CHN2: variants seen among roughly 807,000 people sequenced by gnomAD.
CHN2 encodes the protein chimerin 2.
A neutral mutation model predicts 56.3 loss-of-function variants in CHN2; 35 were observed. The ratio of observed to expected loss-of-function variants is 0.62; its 90% confidence interval spans 0.47 to 0.82. The LOEUF is 0.82. Ranked by LOEUF, CHN2 falls within the 40% of genes least tolerant of loss-of-function variation. The probability of loss-of-function intolerance (pLI) is 0.00; values close to 1 mark genes in which losing one functional copy is unlikely to be tolerated. For synonymous variants in CHN2, 210 were observed against 212.8 expected (o/e 0.99, Z 0.12); for missense variants, 491 against 580.5 (o/e 0.85, Z 1.58).
At chr7:29,170,935 T>C (rs1258556238) in intron 2 of CHN2, among the ~76,000 whole-genome samples, 2 of 152,080 alleles carry the variant, frequency 1.3e-5, no homozygotes, top group African/African-American at 4.8e-5. Context: ...AAGAAAAACA[T>C]GGGAAAGACC....
At chr7:29,217,116 C>G (rs953776082) in intron 1 of CHN2, among the ~76,000 whole-genome samples, 1 of 152,178 alleles carries the variant, frequency 6.6e-6, no homozygotes. Flanking sequence ...AGCTGGAAAA[C>G]TTAACTTTCA....
At chr7:29,253,457 C>A (rs140889314) in intron 1 of CHN2, among the ~76,000 whole-genome samples, 1 of 152,186 alleles carries the variant, frequency 6.6e-6, no homozygotes, top group Admixed American at 6.5e-5. Context: ...ATGTGAGAGT[C>A]TGGGAAATTT....
At position 29,327,930 on chromosome 7, in the gene CHN2, A is replaced by G. The variant is rs1795936296; in HGVS notation, c.50-26695A>G. On this transcript the variant is annotated intron_variant, in intron 1 of 12. Transcript: ENST00000222792. The stretch of plus-strand genomic sequence containing the variant: ...TTCCAGAGAAAATGGGTAAGACAAA[A>G]AAAGTTTAAAAAATCAGCACCTTCA... 2.6e-5 allele frequency among the ~76,000 whole-genome samples: 4 copies of G among 152,332 alleles called. No homozygotes were observed. The South Asian group carries it at 8.3e-4, about 32-fold the overall frequency.
At chr7:29,222,318 A>G (rs1327413428) in intron 1 of CHN2, among the ~76,000 whole-genome samples, 1 of 152,222 alleles carries the variant, frequency 6.6e-6, no homozygotes, top group Non-Finnish European at 1.5e-5. Flanking sequence ...TGCTATTCCC[A>G]TTAAGCTACC....
chr7:29,501,927 A>T (rs1225990694), intron 9 of CHN2, among the ~76,000 whole-genome samples: 2 of 152,204 alleles, frequency 1.3e-5, no homozygotes, highest in African/African-American at 4.8e-5. Context: ...ACCTTGGGCA[A>T]GTTGCTTACT....
intron 11 of CHN2, among the ~76,000 whole-genome samples, chr7:29,509,084 C>T (rs1790962408): frequency 6.6e-6 from 1 of 152,148 alleles, no homozygotes; most frequent in Non-Finnish European, 1.5e-5. Context: ...CCTCTGGCCA[C>T]CCAGAGGACA....
At chr7:29,260,709 G>C (rs1190186499) in intron 1 of CHN2, among the ~76,000 whole-genome samples, 1 of 152,102 alleles carries the variant, frequency 6.6e-6, no homozygotes, top group African/African-American at 2.4e-5. Flanking sequence ...CACGATTTTG[G>C]AGTACATTTT....
chr7:29,343,128 G>C (rs1202538377), intron 1 of CHN2, among the ~76,000 whole-genome samples: 1 of 152,232 alleles, frequency 6.6e-6, no homozygotes, highest in Non-Finnish European at 1.5e-5. Context: ...TGTCTGGGGA[G>C]GAGAGACAGG....
chr7:29,400,342 T>C, intron 5 of CHN2: 1 of 601,868 alleles, frequency 1.7e-6, no homozygotes. Context: ...AAGCATCAGT[T>C]ACCTTTGCGG....
intron 1 of CHN2, among the ~76,000 whole-genome samples, chr7:29,325,613 A>G (rs1795738703): frequency 2.0e-5 from 3 of 152,210 alleles, no homozygotes; most frequent in Non-Finnish European, 4.4e-5. Flanking sequence ...GAAGGGTTAT[A>G]CTTTGAAACA....
chr7:29,304,560 G>A (rs1025438997), intron 1 of CHN2, among the ~76,000 whole-genome samples: 3 of 152,164 alleles, frequency 2.0e-5, no homozygotes, highest in Admixed American at 6.5e-5. Context: ...TATGTTAAAT[G>A]GAACTATTTT....
intron 1 of CHN2, among the ~76,000 whole-genome samples, chr7:29,274,224 C>G (rs1319216224): frequency 6.6e-6 from 1 of 152,196 alleles, no homozygotes; most frequent in Non-Finnish European, 1.5e-5. Context: ...TGCTCATGGA[C>G]TGGCAACAGG....
intron 1 of CHN2, among the ~76,000 whole-genome samples, chr7:29,314,986 CT>C (rs911761708): frequency 1.3e-5 from 2 of 152,028 alleles, no homozygotes; most frequent in African/African-American, 4.8e-5. Context: ...ACTAATTACA[CT>C]GTAAAATATC....
At chr7:29,347,438 G>A (rs1797535700) in intron 1 of CHN2, among the ~76,000 whole-genome samples, 1 of 152,108 alleles carries the variant, frequency 6.6e-6, no homozygotes, top group African/African-American at 2.4e-5. Context: ...CTGCATGGCT[G>A]GGGAGGCCTC....
At chr7:29,161,407 A>G (rs1046985758) in intron 2 of CHN2, among the ~76,000 whole-genome samples, 1 of 151,780 alleles carries the variant, frequency 6.6e-6, no homozygotes, top group Non-Finnish European at 1.5e-5. Flanking sequence ...CTTAGCATGC[A>G]GCAACTTTCA....
rs78169601 is a variant in CHN2 at position 29,331,182 on chromosome 7, G to T, written c.50-23443G>T. 3.5e-4 allele frequency among the ~76,000 whole-genome samples: 53 copies of T among 152,334 alleles called. 1 individual carries two copies. The East Asian group carries it at 0.01, about 29-fold the overall frequency. On this transcript the variant is annotated intron_variant, in intron 1 of 12. Coordinates refer to ENST00000222792, the MANE Select transcript of CHN2 (RefSeq NM_004067.4). ...TGCTATGGTCTAGGGGGTGACGGAG[G>T]ACATCTGTCAAGGCCCTGTGGGGAC...
chr7:29,192,605 A>C (rs1457448720), upstream of CHN2: 1 of 152,222 alleles, frequency 6.6e-6, no homozygotes, highest in East Asian at 1.9e-4. Flanking sequence ...TCCTTCCTTA[A>C]AGTGAGCAAC....
chr7:29,359,365 A>G (rs537005626), intron 2 of CHN2, among the ~76,000 whole-genome samples: 22 of 152,294 alleles, frequency 1.4e-4, no homozygotes, highest in African/African-American at 5.3e-4. Flanking sequence ...TTTTATATAA[A>G]TTATAGTGTT....
chr7:29,510,611 T>C (rs911734798), intron 12 of CHN2, among the ~76,000 whole-genome samples: 2 of 152,168 alleles, frequency 1.3e-5, no homozygotes, highest in Admixed American at 1.3e-4. Flanking sequence ...TGTGCATTTC[T>C]CCATAGGCAG....
Sources: gnomAD v4.1 joint callset for allele counts (sites outside exome capture counted in the v4.1 genomes callset) on GRCh38, gnomAD v4.1.1 for gene constraint, MANE v1.5 for transcripts, NCBI Gene and HGNC (gene_info 2026-07-23, HGNC 2026-07-21) for gene names.